Variants in NF2 observed in about 807,000 individuals in gnomAD.
The protein encoded by NF2 is merlin.
Under a neutral mutation model 83.7 loss-of-function variants are expected in NF2, and 8 were observed. The ratio of observed to expected loss-of-function variants is 0.10; its 90% CI spans 0.06 to 0.17. The LOEUF is 0.17. NF2 is among the 10% of genes least tolerant of loss of function. NF2 has a pLI of 1.00. For synonymous variants in NF2, 266 were observed against 269.6 expected (o/e 0.99, Z 0.13); for missense variants, 533 against 744.4 (o/e 0.72, Z 3.31).
chr22:29,615,174 ACT>A (rs1425918765), intron 1 of NF2, among the ~76,000 whole-genome samples: 1 of 152,202 alleles, frequency 6.6e-6, no homozygotes, highest in Non-Finnish European at 1.5e-5. Flanking sequence ...ACAAAGCAAG[ACT>A]CTGTCTGGAA....
intron 1 of NF2, among the ~76,000 whole-genome samples, chr22:29,607,052 A>T (rs1385104509): frequency 6.6e-6 from 1 of 152,182 alleles, no homozygotes; most frequent in Non-Finnish European, 1.5e-5. Context: ...GTCACAAAAC[A>T]AAACATTGAC....
chr22:29,610,493 A>G (rs1364368574), intron 1 of NF2, among the ~76,000 whole-genome samples: 2 of 151,456 alleles, frequency 1.3e-5, no homozygotes, highest in African/African-American at 4.9e-5. Context: ...AAATACAAAA[A>G]TTAGCCGAGC....
intron 7 of NF2, among the ~76,000 whole-genome samples, chr22:29,659,517 GT>G (rs1296711459): frequency 6.6e-6 from 1 of 152,134 alleles, no homozygotes; most frequent in African/African-American, 2.4e-5. Flanking sequence ...AATGGATACT[GT>G]TTTTTGTGTG....
Position 29,673,277 on chromosome 22 carries a change from T to A in NF2, c.1131T>A (p.Ser377=). Residue 377 remains serine, a synonymous_variant, in exon 12 of 16, where the codon TCT becomes TCA. Coordinates refer to ENST00000338641, the MANE Select transcript of NF2 (RefSeq NM_000268.4). ...ATMANEALMR[S]EETADLLAEK... is the part of the protein sequence containing the mutation. ...AGCACTGTGCCCTCCAGATGCGGTCTGAGGAGACAGCTGACCTGTTGGCTG... is the reference window on the plus strand; with the variant it reads ...AGCACTGTGCCCTCCAGATGCGGTCAGAGGAGACAGCTGACCTGTTGGCTG... 1.3e-6 allele frequency: 2 copies of A among 1,573,128 alleles called. No homozygotes were observed. Among genetic ancestry groups the A allele is most frequent in the Non-Finnish European group, 1.7e-6 (2 of 1,158,906 alleles).
intron 1 of NF2, among the ~76,000 whole-genome samples, chr22:29,634,551 C>A (rs1342822008): frequency 1.3e-5 from 2 of 152,198 alleles, no homozygotes; most frequent in African/African-American, 4.8e-5. Flanking sequence ...CTTGCCAAAG[C>A]CCAGCCCAGC....
chr22:29,605,433 G>C (rs985384295), intron 1 of NF2, among the ~76,000 whole-genome samples: 5 of 152,060 alleles, frequency 3.3e-5, no homozygotes, highest in Non-Finnish European at 7.4e-5. Flanking sequence ...AAAGTGGTGG[G>C]AAAGTGGTGC....
Position 29,683,267 on chromosome 22 carries a change from G to A in NF2, c.1737+1666G>A, listed in dbSNP as rs2067194454. The A allele has an allele frequency of 2.7e-6, 4 of 1,492,310 alleles. No homozygotes were observed. In the South Asian group the frequency reaches 4.0e-5, roughly 15 times the overall value. 92.4% of individuals were successfully genotyped at this position (1,492,310 alleles called of 1,614,324 possible). A position where few individuals can be genotyped will look rare whatever the true frequency, so the allele number is the denominator to read the frequency against. On this transcript the variant is annotated intron_variant, in intron 15 of 15. Transcript: ENST00000338641. ...AGCCAGACCAGCCTCCAGGGCCCCA[G>A]AAGACTGCCTCGTTCCGAAGAGCAT...
chr22:29,635,718 C>T lies in NF2; in HGVS notation c.115-1033C>T, dbSNP rs561544069. Among the ~76,000 whole-genome samples, 12 of 152,224 alleles carry T rather than the reference C, an allele frequency of 7.9e-5. No individual in the cohort carries two copies. The East Asian group carries it at 1.9e-3, about 24-fold the overall frequency. On this transcript the variant is annotated intron_variant, in intron 1 of 15. Coordinates refer to ENST00000338641, the MANE Select transcript of NF2 (RefSeq NM_000268.4). ...GATTTCTAATGAGGGCAGGAAGGGA[C>T]GGATGCTTCTGCAATTGAGTGGTCT...
At chr22:29,688,987 T>G (rs5763422) in intron 15 of NF2, among the ~76,000 whole-genome samples, 2 of 151,924 alleles carry the variant, frequency 1.3e-5, no homozygotes, top group Non-Finnish European at 2.9e-5. Flanking sequence ...GAGACCATCC[T>G]GGCCAACATG....
intron 1 of NF2, among the ~76,000 whole-genome samples, chr22:29,624,328 C>A (rs1218955783): frequency 1.3e-5 from 2 of 152,192 alleles, no homozygotes; most frequent in African/African-American, 4.8e-5. Flanking sequence ...GTGCCTCAGC[C>A]TCCTGAGTAG....
chr22:29,607,057 A>AT (rs1245192184), intron 1 of NF2, among the ~76,000 whole-genome samples: 1 of 152,138 alleles, frequency 6.6e-6, no homozygotes, highest in African/African-American at 2.4e-5. Context: ...AAAACAAAAC[A>AT]TTGACCACAG....
chr22:29,686,841 A>G (rs1291906844), intron 15 of NF2, among the ~76,000 whole-genome samples: 3 of 151,484 alleles, frequency 2.0e-5, no homozygotes, highest in Admixed American at 6.6e-5. Flanking sequence ...GCCCTGGGGA[A>G]CCTGGAATTG....
intron 1 of NF2, among the ~76,000 whole-genome samples, chr22:29,622,906 G>A (rs1020384717): frequency 2.0e-5 from 3 of 150,106 alleles, no homozygotes; most frequent in African/African-American, 4.9e-5. Context: ...AGCCTGCCTC[G>A]GCCTCCCAAA....
At chr22:29,660,810 G>A (rs1224491481) in intron 7 of NF2, among the ~76,000 whole-genome samples, 4 of 152,100 alleles carry the variant, frequency 2.6e-5, no homozygotes, top group Admixed American at 6.5e-5. Flanking sequence ...CTCGTGAACC[G>A]CCCGCCTCGG....
intron 1 of NF2, among the ~76,000 whole-genome samples, chr22:29,610,778 A>T (rs554967587): frequency 2.5e-4 from 38 of 152,322 alleles, no homozygotes; most frequent in African/African-American, 8.9e-4. Context: ...AAAGTCTTCA[A>T]AAATGAAAAA....
chr22:29,697,794 G>T lies in NF2; in HGVS notation c.*2992G>T. On this transcript the variant is annotated 3_prime_UTR_variant, in exon 16 of 16. Transcript: ENST00000338641. ...TCGGTCAGGCTGGTCTCGAACTCCCGACCTCAGGTGATCTGCCCACCTCGG... is the reference window on the plus strand; with the variant it reads ...TCGGTCAGGCTGGTCTCGAACTCCCTACCTCAGGTGATCTGCCCACCTCGG... 1 of 180,264 alleles carries T rather than the reference G, an allele frequency of 5.5e-6. No individual in the cohort carries two copies. Among genetic ancestry groups the T allele is most frequent in the African/African-American group, 2.4e-5 (1 of 42,456 alleles). 11.2% of individuals were successfully genotyped at this position (180,264 alleles called of 1,614,324 possible).
intron 1 of NF2, among the ~76,000 whole-genome samples, chr22:29,625,087 C>T (rs955296691): frequency 6.6e-5 from 10 of 151,740 alleles, no homozygotes; most frequent in African/African-American, 2.4e-4. Flanking sequence ...TACAGGCGTG[C>T]GCCACTAATT....
intron 1 of NF2, among the ~76,000 whole-genome samples, chr22:29,634,611 AC>A (rs1309158864): frequency 6.6e-6 from 1 of 151,990 alleles, no homozygotes; most frequent in Non-Finnish European, 1.5e-5. Flanking sequence ...GATCTTCTCA[AC>A]CCTTGGGTGT....
chr22:29,639,612 T>C (rs1163815213), intron 3 of NF2, among the ~76,000 whole-genome samples: 2 of 151,976 alleles, frequency 1.3e-5, no homozygotes, highest in African/African-American at 4.8e-5. Flanking sequence ...TGGCCGGGCA[T>C]GGTGGCTCAG....
Sources: gnomAD v4.1 joint callset for allele counts (sites outside exome capture counted in the v4.1 genomes callset) on GRCh38, gnomAD v4.1.1 for gene constraint, MANE v1.5 for transcripts, NCBI Gene and HGNC (gene_info 2026-07-23, HGNC 2026-07-21) for gene names.